The following AGK variants were observed in gnomAD, a reference collection of about 807,000 sequenced individuals.
AGK encodes the protein acylglycerol kinase, mitochondrial.
AGK carries 52 observed loss-of-function variants against 66.4 expected under a neutral mutation model. That is an observed-to-expected ratio of 0.78 (90% CI 0.63 to 0.99). AGK has a LOEUF of 0.99. AGK is among the 50% of genes least tolerant of loss of function. The pLI is 0.00. For synonymous variants in AGK, 182 were observed against 181.1 expected, an observed-to-expected ratio of 1.00 and a Z score of -0.04; for missense variants, 451 against 506.6, an observed-to-expected ratio of 0.89 and a Z score of 1.05.
intron 5 of AGK, among the ~76,000 whole-genome samples, chr7:141,604,405 CACAT>C (rs1250027654): frequency 1.6e-5 from 1 of 64,104 alleles, no homozygotes; most frequent in African/African-American, 5.4e-5. Flanking sequence ...TATATATATA[CACAT>C]ACATACACAC....
chr7:141,588,385 G>A (rs574588213), intron 2 of AGK, among the ~76,000 whole-genome samples: 23 of 152,258 alleles, frequency 1.5e-4, no homozygotes, highest in Middle Eastern at 3.4e-3. Context: ...CCAGCACTTT[G>A]GGAGGACAAG....
chr7:141,575,654 CTTTTTTTTTTTTTTTTTT>C (rs58292692), intron 2 of AGK, among the ~76,000 whole-genome samples: 3 of 58,250 alleles, frequency 5.2e-5, no homozygotes, highest in Non-Finnish European at 9.9e-5. Context: ...TTACAAAGGC[CTTTTTTTTTTTTTTTTTT>C]TTTTTTTTTT....
chr7:141,649,201 G>T, intron 13 of AGK, 62 bp from the exon 14 acceptor site: 1 of 1,023,394 alleles, frequency 9.8e-7, no homozygotes, highest in South Asian at 1.3e-5. Context: ...AGCTGAGGAT[G>T]ACAACAGGCT....
chr7:141,639,147 A>T (rs1797233824), intron 11 of AGK, among the ~76,000 whole-genome samples: 1 of 152,220 alleles, frequency 6.6e-6, no homozygotes, highest in Admixed American at 6.5e-5. Context: ...AAATATACAG[A>T]CAAGAGAGTA....
intron 2 of AGK, among the ~76,000 whole-genome samples, chr7:141,578,517 G>A (rs1795804360): frequency 6.6e-6 from 1 of 151,774 alleles, no homozygotes; most frequent in Admixed American, 6.6e-5. Flanking sequence ...ACATAAAATA[G>A]TATCGAAGTG....
At chr7:141,616,838 A>T (rs761870346) in intron 8 of AGK, among the ~76,000 whole-genome samples, 2 of 150,366 alleles carry the variant, frequency 1.3e-5, no homozygotes, top group Non-Finnish European at 2.9e-5. Flanking sequence ...GGCTCACTGC[A>T]AGCTCCGTCT....
At chr7:141,644,654 TA>T (rs1366135541) in intron 13 of AGK, among the ~76,000 whole-genome samples, 1 of 152,178 alleles carries the variant, frequency 6.6e-6, no homozygotes, top group Non-Finnish European at 1.5e-5. Context: ...ATCTATTTTA[TA>T]TATGTATTAT....
intron 8 of AGK, among the ~76,000 whole-genome samples, chr7:141,617,978 T>G (rs1562974835): frequency 6.6e-6 from 1 of 152,152 alleles, no homozygotes; most frequent in Non-Finnish European, 1.5e-5. Context: ...AGCATCTATA[T>G]TGGAGAGAAA....
intron 2 of AGK, among the ~76,000 whole-genome samples, chr7:141,564,501 G>A (rs1449310572): frequency 6.6e-6 from 1 of 152,096 alleles, no homozygotes; most frequent in Non-Finnish European, 1.5e-5. Context: ...CAGGGTGGAG[G>A]TAACCACTCC....
At chr7:141,552,719 A>G (rs1428689856) in intron 1 of AGK, among the ~76,000 whole-genome samples, 4 of 152,176 alleles carry the variant, frequency 2.6e-5, no homozygotes, top group African/African-American at 7.2e-5. Context: ...CAGGCCATAA[A>G]AGAATTGTTT....
chr7:141,588,919 G>T (rs1017165706), intron 2 of AGK, among the ~76,000 whole-genome samples: 1 of 152,134 alleles, frequency 6.6e-6, no homozygotes, highest in African/African-American at 2.4e-5. Context: ...GAGCAGTGAG[G>T]ACACTAGAGA....
At position 141,646,540 on chromosome 7, in the gene AGK, T is replaced by C. The variant is rs370885407; in HGVS notation, c.976-2723T>C. Among the ~76,000 whole-genome samples, 73 of 152,312 alleles carry C rather than the reference T, an allele frequency of 4.8e-4. No individual in the cohort carries two copies. In the South Asian group the frequency reaches 0.015, roughly 31 times the overall value. ...GAACCACAGTTTCTTTCTAGGTAAC[T>C]TAATTGTGCCTCCAGAACAAAGCTT... On this transcript the variant is annotated intron_variant, in intron 13 of 15. Coordinates refer to ENST00000649286, the MANE Select transcript of AGK (RefSeq NM_018238.4).
At chr7:141,624,832 C>T (rs1796902014) in intron 9 of AGK, among the ~76,000 whole-genome samples, 1 of 152,196 alleles carries the variant, frequency 6.6e-6, no homozygotes, top group South Asian at 2.1e-4. Context: ...AGAAGACTGA[C>T]TCCAACTTTG....
Position 141,652,779 on chromosome 7 carries a change from C to T in AGK, c.1132-8C>T, listed in dbSNP as rs1797594137. ...TTTGAGCTGTTCTGAATATTCTCTT[C>T]TCCCCAGGGAGCAGGGGGCTCTTTT... is the stretch of plus-strand genomic sequence containing the variant. On this transcript the variant is annotated splice_polypyrimidine_tract_variant and splice_region_variant and intron_variant, in intron 15 of 15. Transcript: ENST00000649286. The T allele has an allele frequency of 6.2e-7, 1 of 1,612,470 alleles. No homozygotes were observed. The highest frequency in any genetic ancestry group is 1.3e-5 in the African/African-American group (1 of 74,852).
At chr7:141,634,036 C>A in intron 10 of AGK, 56 bp downstream of exon 10, 1 of 1,457,340 alleles carries the variant, frequency 6.9e-7, no homozygotes, top group Non-Finnish European at 9.6e-7. Flanking sequence ...TATTCTGTCC[C>A]TGCCTTTCAG....
At chr7:141,551,633 C>T (rs1795086929) in intron 1 of AGK, among the ~76,000 whole-genome samples, 199 bp downstream of exon 1, 2 of 152,102 alleles carry the variant, frequency 1.3e-5, no homozygotes, top group Non-Finnish European at 2.9e-5. Context: ...GGGGTGCGGG[C>T]CTGGCCGGCG....
At chr7:141,635,914 T>C (rs886772229) in intron 10 of AGK, among the ~76,000 whole-genome samples, 7 of 152,220 alleles carry the variant, frequency 4.6e-5, no homozygotes, top group African/African-American at 7.2e-5. Context: ...AAATTTATAC[T>C]TTATATTTCT....
intron 10 of AGK, among the ~76,000 whole-genome samples, chr7:141,635,287 G>T (rs1395564353): frequency 6.6e-6 from 1 of 152,022 alleles, no homozygotes; most frequent in Non-Finnish European, 1.5e-5. Flanking sequence ...GAAAGAAATG[G>T]TAGAGATATG....
At chr7:141,608,135 T>G (rs1267015750) in intron 5 of AGK, among the ~76,000 whole-genome samples, 1 of 152,170 alleles carries the variant, frequency 6.6e-6, no homozygotes, top group African/African-American at 2.4e-5. Flanking sequence ...ATTTCAAGGT[T>G]TGAAAGCAAG....
Sources: gnomAD v4.1 joint callset for allele counts (sites outside exome capture counted in the v4.1 genomes callset) on GRCh38, gnomAD v4.1.1 for gene constraint, MANE v1.5 for transcripts, NCBI Gene and HGNC (gene_info 2026-07-23, HGNC 2026-07-21) for gene names.